Variants in SYT6 observed in about 807,000 individuals in gnomAD.
SYT6 encodes synaptotagmin-6.
SYT6 carries 24 observed loss-of-function variants against 38.4 expected under a neutral mutation model. The observed-to-expected ratio is 0.62, with a 90% CI of 0.45 to 0.88. The LOEUF (loss-of-function observed/expected upper bound fraction) is 0.88, where lower values mean the gene tolerates loss of function less well. Among genes scored for constraint, SYT6 ranks in the 40% least tolerant of loss-of-function variants. SYT6 has a pLI of 0.00. For missense variants in SYT6, 611 were observed against 621.0 expected, an observed-to-expected ratio of 0.98 and a Z score of 0.17; for synonymous variants, 265 against 241.9, an observed-to-expected ratio of 1.10 and a Z score of -0.89.
intron 3 of SYT6, among the ~76,000 whole-genome samples, chr1:114,114,226 G>T (rs79537167): frequency 1.8e-3 from 280 of 152,334 alleles, no homozygotes; most frequent in African/African-American, 6.1e-3. Flanking sequence ...TCACTGTCAG[G>T]TTCATGCATG....
chr1:114,093,622 G>T, intron 7 of SYT6, 113 bp downstream of exon 7: 1 of 979,084 alleles, frequency 1.0e-6, no homozygotes, highest in Non-Finnish European at 1.5e-6. Flanking sequence ...ACCCAACCAA[G>T]TGTTCTTTCC....
intron 3 of SYT6, among the ~76,000 whole-genome samples, chr1:114,113,470 C>T (rs1262368408): frequency 6.6e-6 from 1 of 152,192 alleles, no homozygotes; most frequent in Middle Eastern, 3.2e-3. Flanking sequence ...AATGACATGG[C>T]CATGTGGCTG....
intron 3 of SYT6, among the ~76,000 whole-genome samples, chr1:114,132,949 T>C (rs1678241160): frequency 6.6e-6 from 1 of 152,182 alleles, no homozygotes; most frequent in African/African-American, 2.4e-5. Flanking sequence ...TAGAATGCAA[T>C]TCAGGTTGGG....
At chr1:114,099,461 G>A (rs1266705625) in intron 4 of SYT6, among the ~76,000 whole-genome samples, 196 bp from the exon 5 acceptor site, 1 of 152,172 alleles carries the variant, frequency 6.6e-6, no homozygotes. Flanking sequence ...CTTAATAAAT[G>A]CAGAGTCTTT....
intron 3 of SYT6, among the ~76,000 whole-genome samples, chr1:114,106,941 A>G (rs1181369485): frequency 6.6e-6 from 1 of 152,222 alleles, no homozygotes; most frequent in Non-Finnish European, 1.5e-5. Flanking sequence ...AAGCAGCTAC[A>G]GAAATGCTTG....
chr1:114,124,193 A>G (rs1677591536), intron 3 of SYT6, among the ~76,000 whole-genome samples: 2 of 152,246 alleles, frequency 1.3e-5, no homozygotes, highest in South Asian at 4.1e-4. Context: ...GAAACAGAGA[A>G]AGCAAATGCC....
At chr1:114,113,171 C>A (rs1676788643) in intron 3 of SYT6, among the ~76,000 whole-genome samples, 1 of 152,192 alleles carries the variant, frequency 6.6e-6, no homozygotes, top group Non-Finnish European at 1.5e-5. Flanking sequence ...CTGGGTCTTG[C>A]CATGGCAAGG....
intron 5 of SYT6, among the ~76,000 whole-genome samples, chr1:114,098,293 G>T (rs548940330): frequency 5.6e-4 from 86 of 152,260 alleles, no homozygotes; most frequent in African/African-American, 2.1e-3. Flanking sequence ...TTATTCACTC[G>T]GTAAGAACAT....
Position 114,139,756 on chromosome 1 carries a change from GT to G in SYT6, c.370del (p.Thr124ProfsTer9). 1 of 1,614,068 alleles carries G rather than the reference GT, an allele frequency of 6.2e-7. No individual in the cohort carries two copies. Among genetic ancestry groups the G allele is most frequent in the Non-Finnish European group, 8.5e-7 (1 of 1,179,968 alleles). On this transcript the variant is annotated frameshift_variant, in exon 2 of 8. Transcript: ENST00000610222. LOFTEE classifies it high-confidence loss of function. Reference protein sequence around the residue: ...NMADKLKDPSTLGFLEAAVKI... With the variant: ...NMADKLKDPSXLGFLEAAVKI... ...CACGGCCGCCTCCAGGAAGCCCAGG[GT>G]GCTGGGGTCCTTCAGCTTGTCCGCC...
chr1:114,114,123 G>C (rs1422807994), intron 3 of SYT6, among the ~76,000 whole-genome samples: 2 of 152,168 alleles, frequency 1.3e-5, no homozygotes, highest in Non-Finnish European at 2.9e-5. Flanking sequence ...GCTGCCAACT[G>C]TGTTCCCGAA....
intron 3 of SYT6, among the ~76,000 whole-genome samples, chr1:114,133,235 C>CA (rs1159572164): frequency 6.6e-6 from 1 of 152,100 alleles, no homozygotes; most frequent in East Asian, 1.9e-4. Context: ...CCTGGTAAGG[C>CA]AGGAAGATGG....
chr1:114,152,639 C>A (rs1277277346), intron 1 of SYT6: 1 of 152,280 alleles, frequency 6.6e-6, no homozygotes, highest in Non-Finnish European at 1.5e-5. Flanking sequence ...CCGGCCGCCA[C>A]GTCGCCGACC....
Position 114,089,669 on chromosome 1 carries a change from T to C in SYT6, c.*2465A>G, listed in dbSNP as rs1213512237. ...GCTAGATAATGAAGTTGGCAGATGT[T>C]CAGGTTTCATTCATGATTCAGGCTG... On this transcript the variant is annotated 3_prime_UTR_variant, in exon 8 of 8. Coordinates refer to ENST00000610222, the MANE Select transcript of SYT6 (RefSeq NM_001253772.2). 6.6e-6 allele frequency: 1 copy of C among 152,370 alleles called. No homozygotes were observed. The highest frequency in any genetic ancestry group is 1.5e-5 in the Non-Finnish European group (1 of 68,044). The allele number at this position is 152,370 out of a possible 1,614,324, so 9.4% of individuals were successfully genotyped here.
At chr1:114,094,431 A>G (rs903526945) in intron 6 of SYT6, among the ~76,000 whole-genome samples, 25 of 152,214 alleles carry the variant, frequency 1.6e-4, no homozygotes, top group Admixed American at 1.2e-3. Context: ...AATGCCTTGG[A>G]GAAGAGCGCT....
intron 1 of SYT6, among the ~76,000 whole-genome samples, chr1:114,142,325 C>T (rs1678909016): frequency 6.6e-6 from 1 of 152,120 alleles, no homozygotes; most frequent in Admixed American, 6.5e-5. Context: ...TTCAAGACCT[C>T]AGTGAAGGAA....
intron 2 of SYT6, among the ~76,000 whole-genome samples, chr1:114,139,334 TC>T (rs1205887129): frequency 6.6e-6 from 1 of 151,798 alleles, no homozygotes; most frequent in Non-Finnish European, 1.5e-5. Context: ...CATCCAACAC[TC>T]CCCTATTCCA....
chr1:114,139,473 C>T, intron 2 of SYT6, 142 bp downstream of exon 2: 1 of 1,359,132 alleles, frequency 7.4e-7, no homozygotes. Context: ...CCCATCATGG[C>T]TCACATCATC....
intron 3 of SYT6, among the ~76,000 whole-genome samples, chr1:114,122,999 G>A (rs1473567254): frequency 1.3e-5 from 2 of 152,186 alleles, no homozygotes; most frequent in Non-Finnish European, 2.9e-5. Flanking sequence ...TTTCTCCGGG[G>A]CCCGCGAGGC....
chr1:114,118,318 G>C (rs1223829470), intron 3 of SYT6, among the ~76,000 whole-genome samples: 1 of 152,232 alleles, frequency 6.6e-6, no homozygotes, highest in Non-Finnish European at 1.5e-5. Flanking sequence ...TCATTGGTAA[G>C]CAGGTGACAC....
Sources: allele counts gnomAD v4.1 joint callset (sites outside exome capture counted in the v4.1 genomes callset), GRCh38; gene constraint gnomAD v4.1.1; transcripts MANE v1.5; gene names NCBI Gene and HGNC (gene_info 2026-07-23, HGNC 2026-07-21).